The following AGAP2 variants were observed in gnomAD, a reference collection of about 807,000 sequenced individuals.
The protein encoded by AGAP2 is arf-GAP with GTPase, ANK repeat and PH domain-containing protein 2.
Under a neutral mutation model 110.9 loss-of-function variants are expected in AGAP2, and 32 were observed. The ratio of observed to expected loss-of-function variants is 0.29; its 90% confidence interval spans 0.22 to 0.39. AGAP2 has a LOEUF of 0.39. AGAP2 is among the 10% of genes least tolerant of loss of function. The pLI is 1.00. For synonymous variants in AGAP2, 702 were observed against 713.0 expected (o/e 0.98, Z 0.25); for missense variants, 1,285 against 1,638.5 (o/e 0.78, Z 3.72).
intron 13 of AGAP2, among the ~76,000 whole-genome samples, chr12:57,729,011 TA>T (rs1359575544): frequency 7.9e-5 from 12 of 151,184 alleles, no homozygotes; most frequent in Admixed American, 2.0e-4. Flanking sequence ...CAGTCTCTAC[TA>T]AAAAATACAA....
In AGAP2 at chr12:57,726,438, C is replaced by T; in HGVS notation, c.*114G>A. ...TGCCCTCGTGGGGGTAGGAAGTGCT[C>T]CCGTGGGGCGGGGTGCGGATCGGAG... On this transcript the variant is annotated 3_prime_UTR_variant, in exon 19 of 19. Coordinates refer to ENST00000547588, the MANE Select transcript of AGAP2 (RefSeq NM_001122772.3). The surrounding 1 kb of genome is among the most constrained non-coding windows in gnomAD (Gnocchi z 5.7). 1 of 1,059,010 alleles carries T rather than the reference C, an allele frequency of 9.4e-7. No individual in the cohort carries two copies. Among genetic ancestry groups the T allele is most frequent in the Non-Finnish European group, 1.2e-6 (1 of 859,330 alleles). The allele number at this position is 1,059,010 out of a possible 1,614,324, so 65.6% of individuals were successfully genotyped here. A position where few individuals can be genotyped will look rare whatever the true frequency, so the allele number is the denominator to read the frequency against.
At position 57,734,111 on chromosome 12, in the gene AGAP2, C is replaced by G; in HGVS notation, c.1464G>C (p.Gln488His). The G allele has an allele frequency of 6.2e-7, 1 of 1,613,812 alleles. No homozygotes were observed. Among genetic ancestry groups the G allele is most frequent in the African/African-American group, 1.3e-5 (1 of 75,062 alleles). ...VFSLEDENSF[Q>H]AVSRLHGQLS... ...GCTGCCCATGGAGACGGCTCACAGCCTGGAAACTGTTCTCATCCTCCAGGC... is the reference window on the plus strand; with the variant it reads ...GCTGCCCATGGAGACGGCTCACAGCGTGGAAACTGTTCTCATCCTCCAGGC... Residue 488 changes from glutamine (Q) to histidine (H), a missense_variant, in exon 5 of 19, where the codon CAG (glutamine) becomes CAC (histidine). Around this residue, in one of 7 missense-constraint regions of AGAP2, gnomAD observed 844 missense variants for 941.2 expected, o/e 0.90. Coordinates refer to ENST00000547588, the MANE Select transcript of AGAP2 (RefSeq NM_001122772.3).
At chr12:57,735,281 G>C in intron 2 of AGAP2, 88 bp downstream of exon 2, 1 of 1,227,840 alleles carries the variant, frequency 8.1e-7, no homozygotes, top group South Asian at 1.3e-5. Context: ...GAGAGAGAGA[G>C]AGAGAAGGAG....
At position 57,726,540 on chromosome 12, in the gene AGAP2, C is replaced by A; in HGVS notation, c.*12G>T. On this transcript the variant is annotated 3_prime_UTR_variant, in exon 19 of 19. Coordinates refer to ENST00000547588, the MANE Select transcript of AGAP2 (RefSeq NM_001122772.3). The surrounding 1 kb of genome is among the most constrained non-coding windows in gnomAD (Gnocchi z 5.7). Reference sequence around the variant, plus strand: ...CCCGCGTGGGGATGGGGGTGTCTCTCCCGCTGGGCAACTATACCAGCGCAA... The same window carrying A: ...CCCGCGTGGGGATGGGGGTGTCTCTACCGCTGGGCAACTATACCAGCGCAA... 8.2e-7 allele frequency: 1 copy of A among 1,214,210 alleles called. No individual in the cohort carries two copies. Among genetic ancestry groups the A allele is most frequent in the East Asian group, 3.4e-5 (1 of 29,202 alleles). The allele number at this position is 1,214,210 out of a possible 1,614,324, so 75.2% of individuals were successfully genotyped here. A position where few individuals can be genotyped will look rare whatever the true frequency, so the allele number is the denominator to read the frequency against.
At chr12:57,724,642 G>A (rs1954732301), downstream of AGAP2, 2 of 152,274 alleles carry the variant, frequency 1.3e-5, no homozygotes, top group East Asian at 1.9e-4. Flanking sequence ...ACCCCCTGAC[G>A]AGGCCAGGGG....
intron 7 of AGAP2, 115 bp downstream of exon 7, chr12:57,732,287 AT>A (rs1954900691): frequency 1.0e-6 from 1 of 994,458 alleles, no homozygotes; most frequent in Non-Finnish European, 1.5e-6. Flanking sequence ...TTTCACTGCC[AT>A]TTCCATCTGT....
Position 57,734,641 on chromosome 12 carries a change from G to C in AGAP2, c.1266C>G (p.Leu422=). The change falls in exon 3 of 19, where the codon CTC becomes CTG. Residue 422 remains leucine (L), a synonymous_variant. Coordinates refer to ENST00000547588, the MANE Select transcript of AGAP2 (RefSeq NM_001122772.3). ...LGDARSGKSS[L]IHRFLTGSYQ... ...ATGAGCCAGTCAGGAATCGGTGGAT[G>C]AGCGATGACTTCCCACTCCTGGCAT... 6.2e-7 allele frequency: 1 copy of C among 1,614,192 alleles called. No homozygotes were observed. Among genetic ancestry groups the C allele is most frequent in the African/African-American group, 1.3e-5 (1 of 75,050 alleles).
rs1954741418 is a variant in AGAP2, at chr12:57,725,283, C to T, written c.*1269G>A. ...AGATGGGGGGGCATTTCCCCCTTGC[C>T]CCCACCTCTCTCCCCTCCCCAATTA... On this transcript the variant is annotated 3_prime_UTR_variant, in exon 19 of 19. Transcript: ENST00000547588. The T allele has an allele frequency of 6.6e-6, 1 of 152,274 alleles. No individual in the cohort carries two copies. The highest frequency in any genetic ancestry group is 2.4e-5 in the African/African-American group (1 of 41,348). The allele number at this position is 152,274 out of a possible 1,614,324, so 9.4% of individuals were successfully genotyped here. A position where few individuals can be genotyped will look rare whatever the true frequency, so the allele number is the denominator to read the frequency against.
At chr12:57,730,377 G>A in intron 12 of AGAP2, 118 bp downstream of exon 12, 5 of 1,328,232 alleles carry the variant, frequency 3.8e-6, no homozygotes, top group South Asian at 1.3e-5. Context: ...CATGTGTGGG[G>A]CTCCATGTGT....
At position 57,738,090 on chromosome 12, in the gene AGAP2, C is replaced by T. The variant is rs1190291619; in HGVS notation, c.157G>A (p.Gly53Ser). 1 of 1,524,778 alleles carries T rather than the reference C, an allele frequency of 6.6e-7. No individual in the cohort carries two copies. Among genetic ancestry groups the T allele is most frequent in the Non-Finnish European group, 8.8e-7 (1 of 1,141,694 alleles). 94.5% of individuals were successfully genotyped at this position (1,524,778 alleles called of 1,614,324 possible). Residue 53 changes from glycine to serine, a missense_variant, in exon 1 of 19, where the codon GGC (glycine) becomes AGC (serine). This residue lies in a region of AGAP2 where 844 missense variants were observed against 941.2 expected (regional missense o/e 0.90). Transcript: ENST00000547588. This position sits in a 1 kb window ranked among gnomAD's most constrained non-coding sequence, Gnocchi z 6.7. The part of the protein sequence containing the change: ...GARGSETGDP[G>S]SPRGAEEPGK... ...GGCTCCTCCGCGCCTCGGGGGCTGCCAGGATCCCCAGTCTCGGAGCCTCTG... is the reference window on the plus strand; with the variant it reads ...GGCTCCTCCGCGCCTCGGGGGCTGCTAGGATCCCCAGTCTCGGAGCCTCTG...
At chr12:57,741,989 C>T (rs145881416), upstream of AGAP2, 22 of 1,614,042 alleles carry the variant, frequency 1.4e-5, no homozygotes, top group African/African-American at 6.7e-5. Flanking sequence ...CTTCCTGAGG[C>T]GGTTTAGAGC....
chr12:57,741,810 C>A (rs1374440533), upstream of AGAP2: 4 of 1,380,730 alleles, frequency 2.9e-6, no homozygotes, highest in East Asian at 6.9e-5. Flanking sequence ...ATCTTGGGGA[C>A]TAGGAAGTAG....
intron 2 of AGAP2, 143 bp from the exon 3 acceptor site, chr12:57,734,822 C>A (rs1269661508): frequency 8.3e-6 from 6 of 720,892 alleles, no homozygotes; most frequent in East Asian, 5.2e-5. Context: ...CCAGAGAGAG[C>A]AGTTGGGAGG....
chr12:57,738,232 C>T lies in AGAP2; in HGVS notation c.15G>A (p.Ala5=). The T allele has an allele frequency of 6.6e-7, 1 of 1,516,328 alleles. No homozygotes were observed. Among genetic ancestry groups the T allele is most frequent in the South Asian group, 1.2e-5 (1 of 83,294 alleles). 93.9% of individuals were successfully genotyped at this position (1,516,328 alleles called of 1,614,324 possible). A position where few individuals can be genotyped will look rare whatever the true frequency, so the allele number is the denominator to read the frequency against. The change falls in exon 1 of 19, where the codon GCG becomes GCA. Residue 5 remains alanine, a synonymous_variant. Transcript: ENST00000547588. This position sits in a 1 kb window ranked among gnomAD's most constrained non-coding sequence, Gnocchi z 6.7. MSRG[A]GALQRRTTTY... The stretch of plus-strand genomic sequence containing the variant: ...TCGTTGTCCGGCGCTGAAGCGCGCC[C>T]GCGCCCCGGCTCATGGGGCCCGGAG...
chr12:57,725,395 T>C lies in AGAP2; in HGVS notation c.*1157A>G, dbSNP rs541361005. 2.1e-5 allele frequency: 3 copies of C among 145,822 alleles called. No homozygotes were observed. The highest frequency in any genetic ancestry group is 7.7e-5 in the African/African-American group (3 of 39,214). The allele number at this position is 145,822 out of a possible 1,614,324, so 9.0% of individuals were successfully genotyped here. On this transcript the variant is annotated 3_prime_UTR_variant, in exon 19 of 19. Coordinates refer to ENST00000547588, the MANE Select transcript of AGAP2 (RefSeq NM_001122772.3). ...TGACACAGACAGCCCAAGGGCTGGGTTGGCTGAGGGAGGCAGGGCTGGGCC... is the reference window on the plus strand; with the variant it reads ...TGACACAGACAGCCCAAGGGCTGGGCTGGCTGAGGGAGGCAGGGCTGGGCC...
chr12:57,739,704 C>A (rs937356213), upstream of AGAP2: 13 of 152,238 alleles, frequency 8.5e-5, no homozygotes, highest in African/African-American at 3.1e-4. Flanking sequence ...AGGGGACCAA[C>A]CGCGGGATGC....
At chr12:57,728,464 TAGATGGAG>T in intron 13 of AGAP2, 87 bp from the exon 14 acceptor site, 1 of 1,368,586 alleles carries the variant, frequency 7.3e-7, no homozygotes, top group Non-Finnish European at 1.0e-6. Context: ...AAAAGACAGG[TAGATGGAG>T]AGATGGAGAG....
At chr12:57,735,985 C>T (rs1440667400) in intron 1 of AGAP2, among the ~76,000 whole-genome samples, 5 of 152,168 alleles carry the variant, frequency 3.3e-5, no homozygotes, top group African/African-American at 9.7e-5. Flanking sequence ...TTTCCTATGC[C>T]TCCATCTCCC....
In AGAP2 at chr12:57,734,165, G is replaced by A. The variant is rs753524413; in HGVS notation, c.1410C>T (p.Gly470=). The part of the protein sequence containing the change: ...EAGAPDAKFS[G]WADAVIFVFS... Reference sequence around the variant, plus strand: ...AGACGAAGATCACAGCATCTGCCCAGCCTGAGAACTTGCGGGGAGTGAGGG... The same window carrying A: ...AGACGAAGATCACAGCATCTGCCCAACCTGAGAACTTGCGGGGAGTGAGGG... The change falls in exon 5 of 19, where the codon GGC becomes GGT. Residue 470 remains glycine (G), a synonymous_variant. Coordinates refer to ENST00000547588, the MANE Select transcript of AGAP2 (RefSeq NM_001122772.3). The A allele has an allele frequency of 3.7e-5, 60 of 1,610,294 alleles. No individual in the cohort carries two copies. Among genetic ancestry groups the A allele is most frequent in the Non-Finnish European group, 4.8e-5 (57 of 1,177,758 alleles).
Sources: allele counts gnomAD v4.1 joint callset (sites outside exome capture counted in the v4.1 genomes callset), GRCh38; gene constraint gnomAD v4.1.1; regional missense constraint gnomAD v4.1.1; non-coding constraint Gnocchi (gnomAD v3.1); transcripts MANE v1.5; gene names NCBI Gene and HGNC (gene_info 2026-07-23, HGNC 2026-07-21).